The following CPAMD8 variants were observed in gnomAD, a reference collection of about 807,000 sequenced individuals.
The protein encoded by CPAMD8 is C3 and PZP-like alpha-2-macroglobulin domain-containing protein 8.
In CPAMD8, 146 loss-of-function variants were observed where a neutral mutation model predicts 224.7. The ratio of observed to expected loss-of-function variants is 0.65; its 90% CI spans 0.57 to 0.75. The LOEUF (loss-of-function observed/expected upper bound fraction) is 0.75. CPAMD8 is among the 30% of genes least tolerant of loss of function. The pLI, the probability that CPAMD8 is intolerant of heterozygous loss-of-function variation, is 0.00. For missense variants in CPAMD8, 2,301 were observed against 2,537.5 expected, an observed-to-expected ratio of 0.91 and a Z score of 2.00; for synonymous variants, 966 against 1,044.6, an observed-to-expected ratio of 0.92 and a Z score of 1.45.
chr19:16,950,921 G>A (rs775474624), intron 20 of CPAMD8, among the ~76,000 whole-genome samples: 1 of 151,958 alleles, frequency 6.6e-6, no homozygotes, highest in Non-Finnish European at 1.5e-5. Context: ...GTGAACTGTG[G>A]GACAATACAT....
In CPAMD8 at chr19:16,990,863, CAAAAAAAAAAAAAAA is replaced by C. The variant is rs3067791; in HGVS notation, c.1267-1107_1267-1093del. On this transcript the variant is annotated intron_variant, in intron 12 of 41. Transcript: ENST00000443236. ...GGGCAATAAGAGCAAAACTCTGTCT[CAAAAAAAAAAAAAAA>C]AAAAAAAAAAAAAAGTTGGCCTGCC... 4.1e-5 allele frequency among the ~76,000 whole-genome samples: 3 copies of C among 73,176 alleles called. No individual in the cohort carries two copies. In the South Asian group the frequency reaches 1.8e-3, roughly 44 times the overall value. The allele number at this position is 73,176 out of a possible 152,430, so 48.0% of individuals were successfully genotyped here. A position where few individuals can be genotyped will look rare whatever the true frequency, so the allele number is the denominator to read the frequency against.
rs143701954 is a variant in CPAMD8 at position 16,975,878 on chromosome 19, G to C, written c.1908+124C>G. ...AGGTTCCCTGAAAAATGAACCCGAC[G>C]GAGAAAGCGAATCTGGATTCAAATG... On this transcript the variant is annotated intron_variant, in intron 16 of 41. Transcript: ENST00000443236. The C allele has an allele frequency of 5.7e-6, 6 of 1,055,880 alleles. No individual in the cohort carries two copies. In the South Asian group the frequency reaches 1.4e-4, roughly 24 times the overall value. The allele number at this position is 1,055,880 out of a possible 1,614,324, so 65.4% of individuals were successfully genotyped here.
intron 20 of CPAMD8, among the ~76,000 whole-genome samples, chr19:16,951,029 T>A (rs988801752): frequency 2.6e-5 from 4 of 152,080 alleles, no homozygotes; most frequent in Admixed American, 6.6e-5. Context: ...AGCTTTGGCC[T>A]TCACTGCACA....
intron 9 of CPAMD8, among the ~76,000 whole-genome samples, 192 bp from the exon 10 acceptor site, chr19:17,000,714 G>A (rs571227874): frequency 3.9e-5 from 6 of 152,210 alleles, no homozygotes; most frequent in Admixed American, 1.3e-4. Flanking sequence ...AAGGCCCTCC[G>A]ATCCTCTGCA....
Position 16,903,695 on chromosome 19 carries a change from C to T in CPAMD8, c.4407+7G>A, listed in dbSNP as rs148551153. 9.4e-3 allele frequency: 15,248 copies of T among 1,614,136 alleles called. 101 individuals are homozygous for T. The highest frequency in any genetic ancestry group is 0.011 in the Non-Finnish European group (13,402 of 1,179,982). ...AACCCCCAAACCCTCATCCCAGGAA[C>T]ACGCACCGCTGCTGTCTGCAGAACC... On this transcript the variant is annotated splice_region_variant and intron_variant, in intron 33 of 41. Transcript: ENST00000443236.
At chr19:16,993,698 T>C (rs1479079298) in intron 11 of CPAMD8, 112 bp from the exon 12 acceptor site, 8 of 970,294 alleles carry the variant, frequency 8.2e-6, no homozygotes, top group Non-Finnish European at 1.2e-5. Context: ...TTTGTAGAAA[T>C]TGACAAACTG....
At chr19:16,995,582 G>A (rs1323405493) in intron 11 of CPAMD8, among the ~76,000 whole-genome samples, 3 of 152,160 alleles carry the variant, frequency 2.0e-5, no homozygotes, top group Non-Finnish European at 2.9e-5. Context: ...TGTATTTTCA[G>A]TAGAGACAGT....
intron 23 of CPAMD8, among the ~76,000 whole-genome samples, chr19:16,930,405 T>A (rs901657547): frequency 1.3e-5 from 2 of 151,956 alleles, no homozygotes; most frequent in African/African-American, 4.9e-5. Context: ...AGGGGCTACT[T>A]AGAGGCATCT....
chr19:16,975,890 T>A, intron 16 of CPAMD8, 112 bp downstream of exon 16: 1 of 1,176,540 alleles, frequency 8.5e-7, no homozygotes, highest in South Asian at 2.1e-5. Flanking sequence ...AGAAAGCGAA[T>A]CTGGATTCAA....
chr19:16,922,631 C>A (rs2144907681), intron 26 of CPAMD8, among the ~76,000 whole-genome samples: 1 of 151,186 alleles, frequency 6.6e-6, no homozygotes, highest in South Asian at 2.1e-4. Flanking sequence ...TGCCTCATAC[C>A]ACATGTGGAG....
At chr19:16,922,038 C>CACT in intron 26 of CPAMD8, 52 bp from the exon 27 acceptor site, 2 of 1,321,568 alleles carry the variant, frequency 1.5e-6, no homozygotes, top group Non-Finnish European at 2.1e-6. Context: ...TGGCCCAGGC[C>CACT]CGCCCCCAGG....
intron 22 of CPAMD8, among the ~76,000 whole-genome samples, chr19:16,942,183 C>T (rs556727925): frequency 6.6e-6 from 1 of 151,624 alleles, no homozygotes; most frequent in South Asian, 2.1e-4. Context: ...CAGTCATGGT[C>T]GGGCACAGTG....
intron 17 of CPAMD8, among the ~76,000 whole-genome samples, chr19:16,973,826 CCTT>C (rs1204086698): frequency 6.4e-5 from 9 of 141,334 alleles, no homozygotes; most frequent in African/African-American, 2.5e-4. Context: ...TAGCATTAGC[CCTT>C]TTTTTTTTTT....
At chr19:16,907,165 C>T in intron 29 of CPAMD8, 48 bp from the exon 30 acceptor site, 2 of 1,465,568 alleles carry the variant, frequency 1.4e-6, no homozygotes, top group Non-Finnish European at 1.8e-6. Flanking sequence ...GCTCTGCCCC[C>T]ATCCCACCCA....
At chr19:17,004,719 G>A (rs1419445130) in intron 7 of CPAMD8, among the ~76,000 whole-genome samples, 2 of 151,868 alleles carry the variant, frequency 1.3e-5, no homozygotes, top group Admixed American at 1.3e-4. Context: ...TCCATCCCCC[G>A]CCACCCGAGT....
intron 26 of CPAMD8, 69 bp downstream of exon 26, chr19:16,925,127 T>A: frequency 1.9e-6 from 3 of 1,549,374 alleles, no homozygotes; most frequent in Non-Finnish European, 2.7e-6. Context: ...TCCAGCGTGG[T>A]CTTCTCCACT....
At chr19:16,921,815 C>T (rs2053185095) in intron 27 of CPAMD8, 90 bp downstream of exon 27, 1 of 809,812 alleles carries the variant, frequency 1.2e-6, no homozygotes, top group Non-Finnish European at 2.0e-6. Context: ...GGATCAGGCG[C>T]CAAGTGATCT....
At chr19:16,993,726 G>T in intron 11 of CPAMD8, 140 bp from the exon 12 acceptor site, 1 of 767,068 alleles carries the variant, frequency 1.3e-6, no homozygotes, top group Non-Finnish European at 2.1e-6. Flanking sequence ...AATTCACAGG[G>T]CATCGCAACG....
chr19:16,975,877 C>T (rs371642436), intron 16 of CPAMD8, 125 bp downstream of exon 16: 25 of 1,041,168 alleles, frequency 2.4e-5, no homozygotes, highest in Admixed American at 1.1e-4. Flanking sequence ...ATGAACCCGA[C>T]GGAGAAAGCG....
Sources: gnomAD v4.1 joint callset for allele counts (sites outside exome capture counted in the v4.1 genomes callset) on GRCh38, gnomAD v4.1.1 for gene constraint, MANE v1.5 for transcripts, NCBI Gene and HGNC (gene_info 2026-07-23, HGNC 2026-07-21) for gene names.